ADCY5: variants seen among roughly 807,000 people sequenced by gnomAD.
ADCY5 encodes the protein adenylate cyclase 5, also known as adenylate cyclase type 5.
ADCY5 carries 30 observed loss-of-function variants against 119.7 expected under a neutral mutation model. That is an observed-to-expected ratio of 0.25 (90% CI 0.19 to 0.34). The LOEUF (loss-of-function observed/expected upper bound fraction) is 0.34. Among genes scored for constraint, ADCY5 ranks in the 10% least tolerant of loss-of-function variants. The pLI is 1.00. For synonymous variants in ADCY5, 753 were observed against 762.2 expected, an observed-to-expected ratio of 0.99 and a Z score of 0.20; for missense variants, 1,324 against 1,775.2, an observed-to-expected ratio of 0.75 and a Z score of 4.57.
chr3:123,426,299 G>GTTTTTTTTTTTTTTTTT (rs750760543), intron 1 of ADCY5, among the ~76,000 whole-genome samples: 2 of 97,980 alleles, frequency 2.0e-5, no homozygotes, highest in Non-Finnish European at 4.6e-5. Flanking sequence ...TTTCTTTTGT[G>GTTTTTTTTTTTTTTTTT]TTTTTTTTTT....
intron 11 of ADCY5, among the ~76,000 whole-genome samples, chr3:123,317,132 C>T (rs755700232): frequency 3.4e-4 from 52 of 152,040 alleles, no homozygotes; most frequent in Non-Finnish European, 6.2e-4. Context: ...ATGTGAATGA[C>T]AATTTAACAA....
rs977048097 is a variant in ADCY5, at chr3:123,330,877, G to A, written c.1646+12C>T. The A allele has an allele frequency of 4.4e-6, 7 of 1,605,196 alleles. No homozygotes were observed. The highest frequency in any genetic ancestry group is 4.5e-5 in the East Asian group (2 of 44,746). On this transcript the variant is annotated intron_variant, in intron 5 of 20. Coordinates refer to ENST00000462833, the MANE Select transcript of ADCY5 (RefSeq NM_183357.3). Reference sequence around the variant, plus strand: ...CAGGGAGGGAGACGGTACCCGGGGGGTGGACACTTACGAGATGGCCTCGAT... The same window carrying A: ...CAGGGAGGGAGACGGTACCCGGGGGATGGACACTTACGAGATGGCCTCGAT...
At chr3:123,383,198 T>C (rs986964785) in intron 1 of ADCY5, among the ~76,000 whole-genome samples, 5 of 152,026 alleles carry the variant, frequency 3.3e-5, no homozygotes, top group Non-Finnish European at 7.4e-5. Flanking sequence ...GCCCAGGCCG[T>C]AGGGAGGAGT....
chr3:123,384,773 TTTCTAACTTGGG>T (rs1267293890), intron 1 of ADCY5, among the ~76,000 whole-genome samples: 1 of 152,044 alleles, frequency 6.6e-6, no homozygotes, highest in East Asian at 1.9e-4. Flanking sequence ...AATCCCAAGT[TTTCTAACTTGGG>T]AAGCATGAAG....
At chr3:123,408,910 G>A (rs1944975612) in intron 1 of ADCY5, among the ~76,000 whole-genome samples, 1 of 151,982 alleles carries the variant, frequency 6.6e-6, no homozygotes, top group South Asian at 2.1e-4. Context: ...AGGAGGCAGA[G>A]GTTGCAGTGA....
At chr3:123,401,783 G>C (rs1354413350) in intron 1 of ADCY5, among the ~76,000 whole-genome samples, 1 of 152,174 alleles carries the variant, frequency 6.6e-6, no homozygotes, top group Non-Finnish European at 1.5e-5. Context: ...AGTGAGGAGA[G>C]GTAGTGTGGC....
chr3:123,293,021 C>G (rs1444547249), intron 17 of ADCY5, among the ~76,000 whole-genome samples: 1 of 152,234 alleles, frequency 6.6e-6, no homozygotes, highest in Non-Finnish European at 1.5e-5. Flanking sequence ...CCAGCTGCTA[C>G]AGCCACCTCT....
chr3:123,318,015 C>G lies in ADCY5; in HGVS notation c.2354+5G>C. ...AAGGAGCCCAAGAGGGACGGGGATA[C>G]TCACTGGGGCACGATGGTGATCTGG... On this transcript the variant is annotated splice_donor_5th_base_variant and intron_variant, in intron 11 of 20. Coordinates refer to ENST00000462833, the MANE Select transcript of ADCY5 (RefSeq NM_183357.3). The G allele has an allele frequency of 6.2e-7, 1 of 1,612,672 alleles. No individual in the cohort carries two copies. The highest frequency in any genetic ancestry group is 8.5e-7 in the Non-Finnish European group (1 of 1,179,028).
At chr3:123,381,759 T>C (rs3845913) in intron 1 of ADCY5, among the ~76,000 whole-genome samples, 1 of 152,036 alleles carries the variant, frequency 6.6e-6, no homozygotes, top group Non-Finnish European at 1.5e-5. Context: ...CAGCACTAGA[T>C]CCAGGCTGCA....
chr3:123,416,040 C>T, intron 1 of ADCY5: 2 of 823,044 alleles, frequency 2.4e-6, no homozygotes, highest in Non-Finnish European at 3.6e-6. Context: ...ACCAAAAAAT[C>T]CAAGATAAAG....
At chr3:123,388,975 A>G (rs1366051010) in intron 1 of ADCY5, among the ~76,000 whole-genome samples, 1 of 152,108 alleles carries the variant, frequency 6.6e-6, no homozygotes. Flanking sequence ...GTTAGCCTCT[A>G]CAGGAGGGAC....
chr3:123,446,800 C>T (rs1945824177), intron 1 of ADCY5, among the ~76,000 whole-genome samples: 1 of 152,164 alleles, frequency 6.6e-6, no homozygotes, highest in Non-Finnish European at 1.5e-5. Flanking sequence ...GAGGCTCCTT[C>T]CCACTTTAGC....
At chr3:123,336,123 G>A (rs1026173992) in intron 3 of ADCY5, among the ~76,000 whole-genome samples, 19 of 152,198 alleles carry the variant, frequency 1.2e-4, no homozygotes, top group Admixed American at 4.6e-4. Flanking sequence ...ATCTGGTGTG[G>A]CTGGTGGGCC....
intron 3 of ADCY5, 66 bp downstream of exon 3, chr3:123,347,716 T>C: frequency 9.4e-7 from 1 of 1,059,096 alleles, no homozygotes; most frequent in Non-Finnish European, 1.4e-6. Flanking sequence ...TGAAAGGAAG[T>C]GGGATGTCTC....
chr3:123,288,394 T>C (rs920985746), intron 19 of ADCY5, among the ~76,000 whole-genome samples: 7 of 152,214 alleles, frequency 4.6e-5, no homozygotes, highest in African/African-American at 1.7e-4. Flanking sequence ...GAGTTGATAA[T>C]GCATTAAATG....
At chr3:123,328,558 G>T in intron 6 of ADCY5, 86 bp downstream of exon 6, 1 of 1,221,870 alleles carries the variant, frequency 8.2e-7, no homozygotes, top group Non-Finnish European at 1.1e-6. Context: ...ACCCTGCCCC[G>T]CCTCGCCTCT....
intron 1 of ADCY5, among the ~76,000 whole-genome samples, chr3:123,357,679 GA>G (rs1943087916): frequency 6.6e-6 from 1 of 152,136 alleles, no homozygotes; most frequent in Admixed American, 6.6e-5. Context: ...AGTTGGACCT[GA>G]AAGTGAAAAA....
At chr3:123,368,058 A>G in intron 1 of ADCY5, 1 of 1,452,880 alleles carries the variant, frequency 6.9e-7, no homozygotes, top group Non-Finnish European at 9.0e-7. Flanking sequence ...TGGGGGAGAG[A>G]GGCAGGAAGA....
intron 3 of ADCY5, among the ~76,000 whole-genome samples, chr3:123,343,339 G>A (rs1942375096): frequency 6.6e-6 from 1 of 152,188 alleles, no homozygotes; most frequent in Admixed American, 6.5e-5. Context: ...ATGGATGAGT[G>A]AATGGCCATC....
Sources: gnomAD v4.1 joint callset for allele counts (sites outside exome capture counted in the v4.1 genomes callset) on GRCh38, gnomAD v4.1.1 for gene constraint, MANE v1.5 for transcripts, NCBI Gene and HGNC (gene_info 2026-07-23, HGNC 2026-07-21) for gene names.